The following RHCG variants were observed in gnomAD, a reference collection of about 807,000 sequenced individuals.
RHCG encodes Rh family C glycoprotein.
Under a neutral mutation model 55.3 loss-of-function variants are expected in RHCG, and 39 were observed. The ratio of observed to expected loss-of-function variants is 0.70; its 90% confidence interval spans 0.55 to 0.92. The LOEUF (loss-of-function observed/expected upper bound fraction) is 0.92, where lower values mean the gene tolerates loss of function less well. Ranked by LOEUF, RHCG falls within the 40% of genes least tolerant of loss-of-function variation. The pLI is 0.00. For missense variants in RHCG, 635 were observed against 627.9 expected (o/e 1.01, Z -0.12); for synonymous variants, 250 against 246.8 (o/e 1.01, Z -0.12).
At chr15:89,496,210 T>C in intron 1 of RHCG, 151 bp downstream of exon 1, 1 of 744,602 alleles carries the variant, frequency 1.3e-6, no homozygotes, top group Non-Finnish European at 2.2e-6. Context: ...ATCTGACAAT[T>C]TCCCACGCAT....
At chr15:89,478,121 C>G (rs533121982) in intron 5 of RHCG, 147 bp from the exon 6 acceptor site, 3 of 1,054,488 alleles carry the variant, frequency 2.8e-6, no homozygotes, top group South Asian at 1.7e-5. Flanking sequence ...AAGCCAGGAG[C>G]CTGCAGAGGA....
intron 9 of RHCG, 45 bp downstream of exon 9, chr15:89,476,710 G>A: frequency 1.3e-6 from 2 of 1,535,658 alleles, no homozygotes; most frequent in Non-Finnish European, 1.8e-6. Context: ...GGCAGGGAGG[G>A]AACGCAGCTG....
chr15:89,472,929 A>G, intron 9 of RHCG, 66 bp from the exon 10 acceptor site: 1 of 1,387,204 alleles, frequency 7.2e-7, no homozygotes, highest in Non-Finnish European at 9.4e-7. Context: ...CCTGGTGACT[A>G]GAACCTGGAG....
At position 89,476,639 on chromosome 15, in the gene RHCG, G is replaced by C. The variant is rs1175240027; in HGVS notation, c.1311+116C>G. The C allele has an allele frequency of 4.9e-6, 4 of 808,660 alleles. No homozygotes were observed. The East Asian group carries it at 9.8e-5, about 20-fold the overall frequency. The allele number at this position is 808,660 out of a possible 1,614,324, so 50.1% of individuals were successfully genotyped here. On this transcript the variant is annotated intron_variant, in intron 9 of 10. Transcript: ENST00000268122. Reference sequence around the variant, plus strand: ...CCCGATGAAGAAGTAGGGTAATGTAGGCTCTGACCCCCACCCCCGGCATCT... The same window carrying C: ...CCCGATGAAGAAGTAGGGTAATGTACGCTCTGACCCCCACCCCCGGCATCT...
intron 2 of RHCG, among the ~76,000 whole-genome samples, chr15:89,485,692 AT>A (rs200799966): frequency 6.6e-5 from 10 of 151,708 alleles, no homozygotes; most frequent in Admixed American, 1.3e-4. Flanking sequence ...GGAGGAAAAC[AT>A]TTTTTTTTCT....
intron 1 of RHCG, among the ~76,000 whole-genome samples, chr15:89,491,076 G>T (rs1482904854): frequency 6.6e-6 from 1 of 152,142 alleles, no homozygotes; most frequent in Non-Finnish European, 1.5e-5. Flanking sequence ...TGGTATAGAG[G>T]CGACATGCTG....
rs1025244715 is a variant in RHCG, at chr15:89,475,202, TTTCC to T, written c.1311+1549_1311+1552del. 8.3e-5 allele frequency among the ~76,000 whole-genome samples: 8 copies of T among 95,968 alleles called. No homozygotes were observed. In the East Asian group the frequency reaches 1.2e-3, roughly 15 times the overall value. The allele number at this position is 95,968 out of a possible 152,430, so 63.0% of individuals were successfully genotyped here. A position where few individuals can be genotyped will look rare whatever the true frequency, so the allele number is the denominator to read the frequency against. ...CCTGCCTGCCTGCCTTCCTTCCTTCTTTCCTTCCTTCCTTCCTTTTTCCTTCTTT... is the reference window on the plus strand; with the variant it reads ...CCTGCCTGCCTGCCTTCCTTCCTTCTTTCCTTCCTTCCTTTTTCCTTCTTT... On this transcript the variant is annotated intron_variant, in intron 9 of 10. Coordinates refer to ENST00000268122, the MANE Select transcript of RHCG (RefSeq NM_016321.3).
In RHCG at chr15:89,477,036, C is replaced by T; in HGVS notation, c.1237+46G>A. 1 of 1,611,896 alleles carries T rather than the reference C, an allele frequency of 6.2e-7. No individual in the cohort carries two copies. The highest frequency in any genetic ancestry group is 8.5e-7 in the Non-Finnish European group (1 of 1,178,556). ...GCCCTTTGCTTCTCCACCCAGGGAGCCCCACAGCAGCACCCCCCTTCTCTG... is the reference window on the plus strand; with the variant it reads ...GCCCTTTGCTTCTCCACCCAGGGAGTCCCACAGCAGCACCCCCCTTCTCTG... On this transcript the variant is annotated intron_variant, in intron 8 of 10. Transcript: ENST00000268122. This position sits in a 1 kb window ranked among gnomAD's most constrained non-coding sequence, Gnocchi z 4.5.
chr15:89,477,298 C>A lies in RHCG; in HGVS notation c.1113-92G>T. 1 of 1,533,180 alleles carries A rather than the reference C, an allele frequency of 6.5e-7. No individual in the cohort carries two copies. Among genetic ancestry groups the A allele is most frequent in the Non-Finnish European group, 8.9e-7 (1 of 1,120,590 alleles). 95.0% of individuals were successfully genotyped at this position (1,533,180 alleles called of 1,614,324 possible). A position where few individuals can be genotyped will look rare whatever the true frequency, so the allele number is the denominator to read the frequency against. ...CAAAAATGTGACCGGGTACCACGGG[C>A]CTCAGCCTTCCCACCCACAACATGG... On this transcript the variant is annotated intron_variant, in intron 7 of 10. Coordinates refer to ENST00000268122, the MANE Select transcript of RHCG (RefSeq NM_016321.3). The surrounding 1 kb of genome is among the most constrained non-coding windows in gnomAD (Gnocchi z 4.5).
intron 9 of RHCG, among the ~76,000 whole-genome samples, chr15:89,475,908 C>T (rs1207953797): frequency 3.3e-5 from 5 of 152,172 alleles, no homozygotes; most frequent in Admixed American, 2.6e-4. Flanking sequence ...ATCAGAACCA[C>T]CTGGGGCTTG....
In RHCG at chr15:89,486,806, C is replaced by G; in HGVS notation, c.364G>C (p.Val122Leu). The change falls in exon 2 of 11, where the codon GTG becomes CTG. Residue 122 changes from valine (V) to leucine (L), a missense_variant. Transcript: ENST00000268122. ...GGCCCGCCCTGCGCTCACTTCTCCACGCCCACGACGATGTAGCGGTCTTGT... is the reference window on the plus strand; with the variant it reads ...GGCCCGCCCTGCGCTCACTTCTCCAGGCCCACGACGATGTAGCGGTCTTGT... ...FLQDRYIVVG[V>L]ENLINADFCV... The G allele has an allele frequency of 1.3e-6, 2 of 1,588,394 alleles. No homozygotes were observed. Among genetic ancestry groups the G allele is most frequent in the Non-Finnish European group, 1.7e-6 (2 of 1,161,514 alleles).
chr15:89,476,676 C>T, intron 9 of RHCG, 79 bp downstream of exon 9: 1 of 1,235,204 alleles, frequency 8.1e-7, no homozygotes. Context: ...GGTCCCCAGG[C>T]CCCAGCCCAG....
chr15:89,486,547 T>TGA (rs145810512), intron 2 of RHCG: 39 of 465,772 alleles, frequency 8.4e-5, no homozygotes, highest in African/African-American at 2.2e-4. Context: ...GGAAGCGAAG[T>TGA]GAGAGAGAGA....
chr15:89,472,031 G>A (rs1421928031), intron 10 of RHCG, among the ~76,000 whole-genome samples, 176 bp from the exon 11 acceptor site: 1 of 152,178 alleles, frequency 6.6e-6, no homozygotes, highest in Admixed American at 6.5e-5. Flanking sequence ...CCCAGACCCA[G>A]CTATTGCCAA....
chr15:89,488,761 G>C (rs2141900095), intron 1 of RHCG, among the ~76,000 whole-genome samples: 1 of 134,074 alleles, frequency 7.5e-6, no homozygotes, highest in Non-Finnish European at 1.6e-5. Context: ...GTATTTGGTG[G>C]GGCTGGGAGA....
intron 2 of RHCG, 200 bp downstream of exon 2, chr15:89,486,599 A>AGAGAGTGTGAGT: frequency 4.9e-5 from 13 of 264,490 alleles, no homozygotes; most frequent in African/African-American, 2.3e-4. Context: ...AGAGAGAGAG[A>AGAGAGTGTGAGT]GTGTGTGTGT....
rs767585794 is a variant in RHCG, at chr15:89,486,813, G to A, written c.357C>T (p.Val119=). ...CCTGCGCTCACTTCTCCACGCCCAC[G>A]ACGATGTAGCGGTCTTGTAAGAAGT... ...WFHFLQDRYI[V]VGVENLINAD... The change falls in exon 2 of 11, where the codon GTC becomes GTT. Residue 119 remains valine (V), a synonymous_variant. Coordinates refer to ENST00000268122, the MANE Select transcript of RHCG (RefSeq NM_016321.3). 1.9e-6 allele frequency: 3 copies of A among 1,591,588 alleles called. No homozygotes were observed. Among genetic ancestry groups the A allele is most frequent in the South Asian group, 2.2e-5 (2 of 89,772 alleles).
intron 1 of RHCG, among the ~76,000 whole-genome samples, chr15:89,492,394 G>A (rs963399965): frequency 1.3e-5 from 2 of 152,270 alleles, no homozygotes; most frequent in African/African-American, 4.8e-5. Flanking sequence ...TGCCCTCCAG[G>A]GGCTGGGTGC....
intron 9 of RHCG, among the ~76,000 whole-genome samples, chr15:89,474,453 C>G (rs542232446): frequency 6.6e-6 from 1 of 152,158 alleles, no homozygotes; most frequent in Non-Finnish European, 1.5e-5. Flanking sequence ...CAGACACAGG[C>G]GGGTCCTCAC....
Sources: allele counts gnomAD v4.1 joint callset (sites outside exome capture counted in the v4.1 genomes callset), GRCh38; gene constraint gnomAD v4.1.1; non-coding constraint Gnocchi (gnomAD v3.1); transcripts MANE v1.5; gene names NCBI Gene and HGNC (gene_info 2026-07-23, HGNC 2026-07-21).